MAU2: variants seen among roughly 807,000 people sequenced by gnomAD.
MAU2 encodes the protein MAU2 chromatid cohesion factor homolog.
A neutral mutation model predicts 89.1 loss-of-function variants in MAU2; 9 were observed. That is an observed-to-expected ratio of 0.10 (90% confidence interval 0.06 to 0.18). The LOEUF (loss-of-function observed/expected upper bound fraction) is 0.18. MAU2 is among the 10% of genes least tolerant of loss of function. The pLI is 1.00. For synonymous variants in MAU2, 357 were observed against 343.4 expected (o/e 1.04, Z -0.44); for missense variants, 425 against 803.5 (o/e 0.53, Z 5.69).
Position 19,345,064 on chromosome 19 carries a change from A to G in MAU2, c.1155+138A>G. The G allele has an allele frequency of 3.6e-6, 3 of 827,672 alleles. No individual in the cohort carries two copies. The highest frequency in any genetic ancestry group is 5.9e-6 in the Non-Finnish European group (3 of 509,716). 51.3% of individuals were successfully genotyped at this position (827,672 alleles called of 1,614,324 possible). The stretch of plus-strand genomic sequence containing the variant: ...AGAATCCGGAATGTTCCCATAGGTA[A>G]TCATATAACCTTCCCAGGCACGATC... On this transcript the variant is annotated intron_variant, in intron 11 of 18. Coordinates refer to ENST00000262815, the MANE Select transcript of MAU2 (RefSeq NM_015329.4). The surrounding 1 kb of genome is among the most constrained non-coding windows in gnomAD (Gnocchi z 4.9).
rs2048194837 is a variant in MAU2 at position 19,357,613 on chromosome 19, G to A, written c.*1831G>A. ...CCTTTCTTTGCTTGTAGGGCATTTT[G>A]TATGTAGAGCAGTTGAAAACAGAAC... On this transcript the variant is annotated 3_prime_UTR_variant, in exon 19 of 19. Coordinates refer to ENST00000262815, the MANE Select transcript of MAU2 (RefSeq NM_015329.4). The A allele has an allele frequency of 1.3e-5, 2 of 152,330 alleles. No homozygotes were observed. The highest frequency in any genetic ancestry group is 4.1e-4 in the South Asian group (2 of 4,822). 9.4% of individuals were successfully genotyped at this position (152,330 alleles called of 1,614,324 possible).
intron 6 of MAU2, 153 bp downstream of exon 6, chr19:19,341,026 C>A: frequency 8.9e-7 from 1 of 1,120,652 alleles, no homozygotes; most frequent in Non-Finnish European, 1.3e-6. Flanking sequence ...GAATGTGAGG[C>A]CCGGGCCCTG....
In MAU2 at chr19:19,320,892, G is replaced by A; in HGVS notation, c.33G>A (p.Ala11=). The A allele has an allele frequency of 6.7e-7, 1 of 1,496,870 alleles. No individual in the cohort carries two copies. The highest frequency in any genetic ancestry group is 9.0e-7 in the Non-Finnish European group (1 of 1,110,258). 92.7% of individuals were successfully genotyped at this position (1,496,870 alleles called of 1,614,324 possible). The change falls in exon 1 of 19, where the codon GCG becomes GCA. Residue 11 remains alanine (A), a synonymous_variant. Coordinates refer to ENST00000262815, the MANE Select transcript of MAU2 (RefSeq NM_015329.4). MAAQAAAAAQ[A]AAAQAAQAEA... ...CTCAGGCGGCGGCAGCGGCCCAGGC[G>A]GCGGCGGCCCAGGCTGCGCAGGCCG...
intron 1 of MAU2, among the ~76,000 whole-genome samples, chr19:19,324,559 A>G (rs763476439): frequency 4.6e-5 from 7 of 152,134 alleles, no homozygotes; most frequent in Non-Finnish European, 8.8e-5. Context: ...CACTGTGTGT[A>G]CTGTCGTATT....
chr19:19,321,090 C>T lies in MAU2; in HGVS notation c.231C>T (p.His77=). The T allele has an allele frequency of 1.9e-6, 3 of 1,609,822 alleles. No homozygotes were observed. Among genetic ancestry groups the T allele is most frequent in the Non-Finnish European group, 1.7e-6 (2 of 1,178,512 alleles). The change falls in exon 1 of 19, where the codon CAC becomes CAT. Residue 77 remains histidine, a synonymous_variant. Transcript: ENST00000262815. The stretch of plus-strand genomic sequence containing the variant: ...TGCAGCTGGGCTCCGTTCTCTATCA[C>T]CACACCAAGAACAGCGAGCAGGCGC... The part of the protein sequence containing the change: ...THLQLGSVLY[H]HTKNSEQARS...
chr19:19,354,441 G>A lies in MAU2; in HGVS notation c.1635G>A (p.Leu545=). Residue 545 remains leucine, a synonymous_variant, in exon 17 of 19, where the codon CTG becomes CTA. Coordinates refer to ENST00000262815, the MANE Select transcript of MAU2 (RefSeq NM_015329.4). ...MSVQLWSSAL[L]RDLNKACGNA... is the part of the protein sequence containing the mutation. ...TACAGCTGTGGTCGTCAGCACTGCT[G>A]AGAGGTGAGTGCAATGGCCACCCCT... The A allele has an allele frequency of 1.9e-6, 3 of 1,613,384 alleles. No individual in the cohort carries two copies. The highest frequency in any genetic ancestry group is 1.7e-6 in the Non-Finnish European group (2 of 1,179,866).
At chr19:19,348,798 T>C in intron 13 of MAU2, 91 bp from the exon 14 acceptor site, 3 of 1,359,888 alleles carry the variant, frequency 2.2e-6, no homozygotes, top group Non-Finnish European at 3.2e-6. Context: ...CCGACGGGGG[T>C]GTAGAGAAAT....
At chr19:19,348,665 C>T (rs2061715077) in intron 13 of MAU2, 1 of 642,084 alleles carries the variant, frequency 1.6e-6, no homozygotes. Context: ...CCCCTGTCAC[C>T]TACTGCAGGA....
At chr19:19,348,705 G>A in intron 13 of MAU2, 184 bp from the exon 14 acceptor site, 4 of 696,042 alleles carry the variant, frequency 5.7e-6, no homozygotes, top group Non-Finnish European at 2.6e-6. Flanking sequence ...CTGGCTGAGG[G>A]TGTGGAAATC....
intron 1 of MAU2, among the ~76,000 whole-genome samples, chr19:19,333,292 C>A (rs188232331): frequency 7.9e-5 from 12 of 152,292 alleles, no homozygotes; most frequent in African/African-American, 2.6e-4. Flanking sequence ...CGAGACCAGT[C>A]TGGGCGGCGT....
Position 19,340,885 on chromosome 19 carries a change from C to T in MAU2, c.579+12C>T, listed in dbSNP as rs1488653791. On this transcript the variant is annotated intron_variant, in intron 6 of 18. Transcript: ENST00000262815. ...TCAGCAAGGGGATGGTAAGTTGAGG[C>T]TGGGCATGGCTGGATGCAGCTGGTG... 1 of 1,613,044 alleles carries T rather than the reference C, an allele frequency of 6.2e-7. No individual in the cohort carries two copies. Among genetic ancestry groups the T allele is most frequent in the East Asian group, 2.2e-5 (1 of 44,858 alleles).
chr19:19,352,462 A>G (rs1291454377), intron 16 of MAU2: 3 of 152,262 alleles, frequency 2.0e-5, no homozygotes, highest in Non-Finnish European at 4.4e-5. Context: ...TGGCCTCAGC[A>G]CTGGGGATGC....
At position 19,355,306 on chromosome 19, in the gene MAU2, C is replaced by T. The variant is rs1390287697; in HGVS notation, c.1682C>T (p.Ala561Val). Residue 561 changes from alanine to valine, a missense_variant, in exon 18 of 19, where the codon GCC (alanine) becomes GTC (valine). Physicochemically the swap from Ala to Val is moderately conservative, Grantham distance 64. Around this residue, in one of 11 missense-constraint regions of MAU2, gnomAD observed 33 missense variants for 94.1 expected, o/e 0.35. Transcript: ENST00000262815. Reference protein sequence around the residue: ...ACGNAMDAHEAAQMHQNFSQQ... With the variant: ...ACGNAMDAHEVAQMHQNFSQQ... ...GGGAACGCCATGGATGCCCATGAAG[C>T]CGCCCAGATGCACCAGAACTTCTCG... The T allele has an allele frequency of 6.2e-7, 1 of 1,614,112 alleles. No individual in the cohort carries two copies. The highest frequency in any genetic ancestry group is 8.5e-7 in the Non-Finnish European group (1 of 1,180,002).
At position 19,343,872 on chromosome 19, in the gene MAU2, G is replaced by A; in HGVS notation, c.1009G>A (p.Val337Met). The change falls in exon 10 of 19, where the codon GTG becomes ATG. Residue 337 changes from valine to methionine, a missense_variant. By Grantham distance (21) the Val-to-Met change is conservative. Coordinates refer to ENST00000262815, the MANE Select transcript of MAU2 (RefSeq NM_015329.4). ...CAGCCCCATCCTGTCATCCTTCCAA[G>A]TGATCCTGCTGGAGCACATCATCAT... Reference protein sequence around the residue: ...DCSPILSSFQVILLEHIIMCR... With the variant: ...DCSPILSSFQMILLEHIIMCR... 1 of 1,613,736 alleles carries A rather than the reference G, an allele frequency of 6.2e-7. No homozygotes were observed. Among genetic ancestry groups the A allele is most frequent in the South Asian group, 1.1e-5 (1 of 91,090 alleles).
intron 16 of MAU2, among the ~76,000 whole-genome samples, chr19:19,351,130 C>T (rs2061740371): frequency 6.6e-6 from 1 of 151,492 alleles, no homozygotes; most frequent in Non-Finnish European, 1.5e-5. Flanking sequence ...TCGTGGTAAC[C>T]TTCACCCCCT....
chr19:19,341,882 C>CT (rs2061651024), intron 7 of MAU2, among the ~76,000 whole-genome samples: 1 of 152,194 alleles, frequency 6.6e-6, no homozygotes, highest in Non-Finnish European at 1.5e-5. Flanking sequence ...CTCCTTGTCT[C>CT]TGTGCTTGTG....
At chr19:19,335,376 G>T (rs1184277100) in intron 1 of MAU2, among the ~76,000 whole-genome samples, 1 of 152,120 alleles carries the variant, frequency 6.6e-6, no homozygotes, top group Non-Finnish European at 1.5e-5. Context: ...GACACCTGGG[G>T]GCCTTGCTGT....
At chr19:19,334,014 T>C (rs2061577096) in intron 1 of MAU2, among the ~76,000 whole-genome samples, 1 of 152,124 alleles carries the variant, frequency 6.6e-6, no homozygotes, top group Non-Finnish European at 1.5e-5. Context: ...CACAGTCCCC[T>C]CTCTCCTGTG....
chr19:19,345,922 T>G lies in MAU2; in HGVS notation c.1221+553T>G, dbSNP rs1264744527. On this transcript the variant is annotated intron_variant, in intron 12 of 18. Transcript: ENST00000262815. The surrounding 1 kb of genome is among the most constrained non-coding windows in gnomAD (Gnocchi z 4.9). ...GCGCCCCAGCCCAGGGCTGGACCAT[T>G]GTGTCCCCACCTCAGCCTCAACCTC... is the stretch of plus-strand genomic sequence containing the variant. Among the ~76,000 whole-genome samples the G allele has an allele frequency of 6.6e-6, 1 of 152,174 alleles. No individual in the cohort carries two copies. Among genetic ancestry groups the G allele is most frequent in the East Asian group, 1.9e-4 (1 of 5,186 alleles).
Sources: gnomAD v4.1 joint callset for allele counts (sites outside exome capture counted in the v4.1 genomes callset) on GRCh38, gnomAD v4.1.1 for gene constraint, gnomAD v4.1.1 regional missense constraint, Gnocchi (gnomAD v3.1) non-coding constraint, MANE v1.5 for transcripts, NCBI Gene and HGNC (gene_info 2026-07-23, HGNC 2026-07-21) for gene names.